CDC42SE2: variants seen among roughly 807,000 people sequenced by gnomAD.
CDC42SE2 encodes the protein CDC42 small effector 2.
In CDC42SE2, 3 loss-of-function variants were observed where a neutral mutation model predicts 11.5. The ratio of observed to expected loss-of-function variants is 0.26; its 90% CI spans 0.12 to 0.67. The LOEUF (loss-of-function observed/expected upper bound fraction) is 0.67. Among genes scored for constraint, CDC42SE2 ranks in the 30% least tolerant of loss-of-function variants. The pLI, the probability that CDC42SE2 is intolerant of heterozygous loss-of-function variation, is 0.80. For missense variants in CDC42SE2, 82 were observed against 106.8 expected, an observed-to-expected ratio of 0.77 and a Z score of 1.02; for synonymous variants, 33 against 34.8, an observed-to-expected ratio of 0.95 and a Z score of 0.18.
intron 1 of CDC42SE2, among the ~76,000 whole-genome samples, chr5:131,310,753 C>G (rs1757888469): frequency 6.6e-6 from 1 of 151,942 alleles, no homozygotes; most frequent in Non-Finnish European, 1.5e-5. Context: ...TTATCAGAGA[C>G]TAGGATTGCA....
chr5:131,372,630 T>C (rs1750043061), intron 3 of CDC42SE2, among the ~76,000 whole-genome samples: 1 of 151,966 alleles, frequency 6.6e-6, no homozygotes, highest in East Asian at 1.9e-4. Flanking sequence ...GCAGAATTGC[T>C]TGAACCTGGG....
chr5:131,320,545 C>A (rs1758165543), intron 2 of CDC42SE2, among the ~76,000 whole-genome samples: 1 of 152,016 alleles, frequency 6.6e-6, no homozygotes, highest in Non-Finnish European at 1.5e-5. Context: ...AGTTTGAGAC[C>A]AGCCTGGTCA....
intron 2 of CDC42SE2, among the ~76,000 whole-genome samples, chr5:131,351,520 T>C (rs548704523): frequency 1.2e-4 from 19 of 152,174 alleles, no homozygotes; most frequent in Non-Finnish European, 1.5e-4. Flanking sequence ...TCCCAAAGTG[T>C]TGGGATTACA....
At chr5:131,279,339 CA>C (rs1298252215) in intron 1 of CDC42SE2, among the ~76,000 whole-genome samples, 1 of 151,966 alleles carries the variant, frequency 6.6e-6, no homozygotes, top group African/African-American at 2.4e-5. Context: ...GATCCTCTGA[CA>C]GAGTGTTCTT....
intron 1 of CDC42SE2, among the ~76,000 whole-genome samples, chr5:131,313,152 T>C (rs1180824601): frequency 6.6e-6 from 1 of 151,938 alleles, no homozygotes; most frequent in African/African-American, 2.4e-5. Flanking sequence ...CCGGCTGATT[T>C]TTTGTATTTT....
At chr5:131,304,231 G>A (rs535403348) in intron 1 of CDC42SE2, among the ~76,000 whole-genome samples, 69 of 151,986 alleles carry the variant, frequency 4.5e-4, no homozygotes, top group Non-Finnish European at 7.8e-4. Flanking sequence ...CAATCCTCCC[G>A]CCCTGGCCTC....
chr5:131,237,346 A>C, the CDC42SE2 span, among the ~76,000 whole-genome samples: 1 of 152,176 alleles, frequency 6.6e-6, no homozygotes, highest in Admixed American at 6.5e-5. Context: ...CCCCTTCGGC[A>C]CCTTGAAATA....
chr5:131,336,890 T>G (rs1051584234), intron 2 of CDC42SE2, among the ~76,000 whole-genome samples: 1 of 152,204 alleles, frequency 6.6e-6, no homozygotes, highest in African/African-American at 2.4e-5. Flanking sequence ...TTTCAAAGTT[T>G]TTAACTTCCT....
At chr5:131,370,871 A>G (rs962482888) in intron 3 of CDC42SE2, among the ~76,000 whole-genome samples, 4 of 152,136 alleles carry the variant, frequency 2.6e-5, no homozygotes, top group African/African-American at 9.7e-5. Context: ...AAGAGGATTA[A>G]GCCTTTGTCT....
At chr5:131,348,042 T>A (rs1251471655) in intron 2 of CDC42SE2, among the ~76,000 whole-genome samples, 1 of 152,186 alleles carries the variant, frequency 6.6e-6, no homozygotes, top group Non-Finnish European at 1.5e-5. Flanking sequence ...AGTATCATAC[T>A]GAATGGGCAA....
chr5:131,213,141 C>T, the CDC42SE2 span, among the ~76,000 whole-genome samples: 12 of 152,078 alleles, frequency 7.9e-5, no homozygotes, highest in African/African-American at 2.2e-4. Flanking sequence ...TGCAGTGGGC[C>T]GAGCTCGTGC....
intron 2 of CDC42SE2, among the ~76,000 whole-genome samples, chr5:131,332,812 GTTGT>G (rs1184760031): frequency 5.9e-5 from 9 of 152,134 alleles, no homozygotes; most frequent in East Asian, 1.9e-4. Flanking sequence ...TTTTGATGGG[GTTGT>G]TTGTTTTTTT....
At chr5:131,268,674 A>G (rs1258658070) in intron 1 of CDC42SE2, among the ~76,000 whole-genome samples, 2 of 148,746 alleles carry the variant, frequency 1.3e-5, no homozygotes, top group Non-Finnish European at 3.0e-5. Context: ...CTGGTCTCGA[A>G]CTCCCGACTT....
upstream of CDC42SE2, among the ~76,000 whole-genome samples, chr5:131,263,099 AT>A (rs370938077): frequency 0.13 from 17,375 of 137,596 alleles, 2,191 homozygotes; most frequent in African/African-American, 0.37. Flanking sequence ...CACCAGGGTA[AT>A]TTTTTTTTTT....
At position 131,391,816 on chromosome 5, in the gene CDC42SE2, TTTTG is replaced by T. The variant is rs1750663632; in HGVS notation, c.*729_*732del. The T allele has an allele frequency of 6.6e-6, 1 of 152,420 alleles. No homozygotes were observed. The highest frequency in any genetic ancestry group is 6.5e-5 in the Admixed American group (1 of 15,300). 9.4% of individuals were successfully genotyped at this position (152,420 alleles called of 1,614,324 possible). On this transcript the variant is annotated 3_prime_UTR_variant, in exon 5 of 5. Coordinates refer to ENST00000505065, the MANE Select transcript of CDC42SE2 (RefSeq NM_001375635.1). ...AATGTAGAAATAATTTCAAGTTTTT[TTTTG>T]TTTTATAGGGTTATTGTGAATTTCT... is the stretch of plus-strand genomic sequence containing the variant.
chr5:131,391,079 G>A lies in CDC42SE2; in HGVS notation c.243G>A (p.Thr81=), dbSNP rs1195609959. 1.2e-6 allele frequency: 2 copies of A among 1,612,202 alleles called. No individual in the cohort carries two copies. The highest frequency in any genetic ancestry group is 1.1e-5 in the South Asian group (1 of 91,064). The change falls in exon 5 of 5, where the codon ACG becomes ACA. Residue 81 remains threonine (T), a synonymous_variant. Transcript: ENST00000505065. ...PANVQMQLVD[T]KAG ...ATGTCCAGATGCAGCTCGTGGATACGAAGGCGGGATAGCCCTGGTCCTTTC... is the reference window on the plus strand; with the variant it reads ...ATGTCCAGATGCAGCTCGTGGATACAAAGGCGGGATAGCCCTGGTCCTTTC...
At chr5:131,312,566 A>C (rs1349060563) in intron 1 of CDC42SE2, among the ~76,000 whole-genome samples, 2 of 151,970 alleles carry the variant, frequency 1.3e-5, no homozygotes, top group African/African-American at 4.8e-5. Flanking sequence ...GTTTGATCTC[A>C]GTCTGCTGTG....
At chr5:131,298,447 G>T (rs1022824219) in intron 1 of CDC42SE2, among the ~76,000 whole-genome samples, 2 of 150,974 alleles carry the variant, frequency 1.3e-5, no homozygotes, top group Non-Finnish European at 2.9e-5. Flanking sequence ...ATGAATTTAG[G>T]TACCATAGAA....
chr5:131,283,364 T>G (rs6882151), intron 1 of CDC42SE2, among the ~76,000 whole-genome samples: 11,327 of 152,288 alleles, frequency 0.074, 848 homozygotes, highest in African/African-American at 0.2. Flanking sequence ...ACATATTTTC[T>G]CTTTCTAGAT....
Sources: allele counts gnomAD v4.1 joint callset (sites outside exome capture counted in the v4.1 genomes callset), GRCh38; gene constraint gnomAD v4.1.1; transcripts MANE v1.5; gene names NCBI Gene and HGNC (gene_info 2026-07-23, HGNC 2026-07-21).